The following FHAD1 variants were observed in gnomAD, a reference collection of about 807,000 sequenced individuals.
FHAD1 encodes the protein forkhead-associated domain-containing protein 1.
Under a neutral mutation model 191.3 loss-of-function variants are expected in FHAD1, and 146 were observed. That is an observed-to-expected ratio of 0.76 (90% CI 0.67 to 0.88). The LOEUF is 0.88. FHAD1 is among the 40% of genes least tolerant of loss of function. FHAD1 has a pLI of 0.00. For missense variants in FHAD1, 1,635 were observed against 1,785.8 expected, an observed-to-expected ratio of 0.92 and a Z score of 1.52; for synonymous variants, 616 against 672.3, an observed-to-expected ratio of 0.92 and a Z score of 1.29.
chr1:15,250,550 A>G (rs3753323), intron 1 of FHAD1, among the ~76,000 whole-genome samples: 2 of 152,314 alleles, frequency 1.3e-5, no homozygotes, highest in East Asian at 3.9e-4. Flanking sequence ...TCCTGATTAC[A>G]TGGCTGAGCT....
chr1:15,388,058 T>A lies in FHAD1; in HGVS notation c.4196T>A (p.Val1399Glu). Residue 1399 changes from valine (V) to glutamate (E), a missense_variant, in exon 32 of 34, where the codon GTA becomes GAA. Physicochemically the swap from Val to Glu is moderately radical, Grantham distance 121. Coordinates refer to ENST00000688493, the MANE Select transcript of FHAD1 (RefSeq NM_001391957.1). ...CTGATACTTTTCACTCAGGAAAGTG[T>A]AGAGGAGCACGAACTGAGAAACGCA... ...NRAIRQQKES[V>E]EEHELRNAKE... 7.8e-7 allele frequency: 1 copy of A among 1,289,456 alleles called. No individual in the cohort carries two copies. The highest frequency in any genetic ancestry group is 1.0e-6 in the Non-Finnish European group (1 of 988,490). The allele number at this position is 1,289,456 out of a possible 1,614,324, so 79.9% of individuals were successfully genotyped here. A position where few individuals can be genotyped will look rare whatever the true frequency, so the allele number is the denominator to read the frequency against.
intron 14 of FHAD1, among the ~76,000 whole-genome samples, chr1:15,336,985 G>A (rs1684427325): frequency 6.6e-6 from 1 of 152,196 alleles, no homozygotes; most frequent in Non-Finnish European, 1.5e-5. Flanking sequence ...CCTTTCTCAT[G>A]AAGAAACTCT....
At chr1:15,368,034 C>T (rs1258934031) in intron 25 of FHAD1, among the ~76,000 whole-genome samples, 3 of 152,098 alleles carry the variant, frequency 2.0e-5, no homozygotes, top group Non-Finnish European at 2.9e-5. Context: ...TGCAGTGGAA[C>T]GATCTTGGCT....
chr1:15,328,324 G>T lies in FHAD1; in HGVS notation c.1605G>T (p.Gln535His). ...TQVTEDNINFQQKKWTLQKET... is the reference protein window; with the variant it reads ...TQVTEDNINFHQKKWTLQKET... ...TCACTGAGGACAACATCAATTTTCA[G>T]CAGAAAAAGTGGACCCTCCAGAAAG... The change falls in exon 13 of 34, where the codon CAG becomes CAT. Residue 535 changes from glutamine to histidine, a missense_variant. Coordinates refer to ENST00000688493, the MANE Select transcript of FHAD1 (RefSeq NM_001391957.1). The T allele has an allele frequency of 1.3e-6, 2 of 1,539,996 alleles. No individual in the cohort carries two copies. Among genetic ancestry groups the T allele is most frequent in the Non-Finnish European group, 1.7e-6 (2 of 1,143,178 alleles).
chr1:15,270,454 A>T (rs898673730), intron 2 of FHAD1, among the ~76,000 whole-genome samples: 5 of 152,186 alleles, frequency 3.3e-5, no homozygotes, highest in African/African-American at 4.8e-5. Context: ...TATCTACCAA[A>T]TGGGAAACTA....
intron 12 of FHAD1, chr1:15,328,033 CAA>C (rs35961851): frequency 7.0e-3 from 835 of 118,982 alleles, no homozygotes; most frequent in East Asian, 0.013. Context: ...AACTCCGTCG[CAA>C]AAAAAAAAAA....
At chr1:15,354,837 C>A (rs1474694346) in intron 20 of FHAD1, among the ~76,000 whole-genome samples, 1 of 152,170 alleles carries the variant, frequency 6.6e-6, no homozygotes, top group African/African-American at 2.4e-5. Flanking sequence ...TAGAGAGAAT[C>A]TCTCCTAAGG....
rs759702516 is a variant in FHAD1 at position 15,345,084 on chromosome 1, C to A, written c.2132C>A (p.Ala711Asp). ...KIRQLTEEKA[A>D]LEEYITQERN... ...TAAACAATGGTCATTGGTTTCCAGG[C>A]TTTGGAGGAGTACATTACTCAAGAG... The change falls in exon 17 of 34, where the codon GCT becomes GAT. Residue 711 changes from alanine (A) to aspartate (D), a missense_variant and splice_region_variant. Ala to Asp is a moderately radical substitution (Grantham distance 126). Transcript: ENST00000688493. 7 of 1,550,384 alleles carry A rather than the reference C, an allele frequency of 4.5e-6. No homozygotes were observed. The South Asian group carries it at 4.8e-5, about 11-fold the overall frequency.
Position 15,316,309 on chromosome 1 carries a change from C to A in FHAD1, c.1171-69C>A, listed in dbSNP as rs1674426654. The A allele has an allele frequency of 8.0e-7, 1 of 1,254,906 alleles. No individual in the cohort carries two copies. Among genetic ancestry groups the A allele is most frequent in the Non-Finnish European group, 1.1e-6 (1 of 881,974 alleles). 77.7% of individuals were successfully genotyped at this position (1,254,906 alleles called of 1,614,324 possible). On this transcript the variant is annotated intron_variant, in intron 8 of 33. Coordinates refer to ENST00000688493, the MANE Select transcript of FHAD1 (RefSeq NM_001391957.1). This position sits in a 1 kb window ranked among gnomAD's most constrained non-coding sequence, Gnocchi z 4.3. ...CAGGGGCTCACATGGGGCCTTGGAG[C>A]CCCTCCTTCCCCCGACAACCCTACC...
At chr1:15,281,782 AAAG>A (rs1660707086) in intron 3 of FHAD1, among the ~76,000 whole-genome samples, 2 of 151,122 alleles carry the variant, frequency 1.3e-5, no homozygotes, top group Non-Finnish European at 2.9e-5. Context: ...AAAAAAAAAA[AAAG>A]GAGAGGGGAG....
At position 15,375,135 on chromosome 1, in the gene FHAD1, C is replaced by T. The variant is rs2496345; in HGVS notation, c.3578-468C>T. Among the ~76,000 whole-genome samples, 953 of 152,172 alleles carry T rather than the reference C, an allele frequency of 6.3e-3. 11 individuals are homozygous for T. Among genetic ancestry groups the T allele is most frequent in the African/African-American group, 0.021 (864 of 41,518 alleles). ...CCTCCCAAAGTGCTGAGATTACAGGCGAGAGCCACCACACCCAGCCTACTT... is the reference window on the plus strand; with the variant it reads ...CCTCCCAAAGTGCTGAGATTACAGGTGAGAGCCACCACACCCAGCCTACTT... On this transcript the variant is annotated intron_variant, in intron 27 of 33. Coordinates refer to ENST00000688493, the MANE Select transcript of FHAD1 (RefSeq NM_001391957.1).
intron 6 of FHAD1, among the ~76,000 whole-genome samples, chr1:15,308,214 G>A (rs1671130208): frequency 6.6e-6 from 1 of 152,160 alleles, no homozygotes; most frequent in South Asian, 2.1e-4. Flanking sequence ...GTTATCATTT[G>A]AGGGAATTAA....
chr1:15,271,055 C>T (rs1263150942), intron 2 of FHAD1, among the ~76,000 whole-genome samples: 1 of 146,684 alleles, frequency 6.8e-6, no homozygotes, highest in Non-Finnish European at 1.5e-5. Context: ...AGGAGAATGG[C>T]GTGAACCCGG....
At chr1:15,380,082 G>T (rs1044593866) in intron 28 of FHAD1, among the ~76,000 whole-genome samples, 1 of 152,168 alleles carries the variant, frequency 6.6e-6, no homozygotes, top group Non-Finnish European at 1.5e-5. Flanking sequence ...AAAGGAGGGG[G>T]GATGTTTTCT....
At chr1:15,291,999 T>A (rs1191498620) in intron 4 of FHAD1, among the ~76,000 whole-genome samples, 1 of 152,188 alleles carries the variant, frequency 6.6e-6, no homozygotes, top group African/African-American at 2.4e-5. Flanking sequence ...CTCCATCATT[T>A]CTCCAGTAGC....
chr1:15,272,628 A>ACTGTGAT lies in FHAD1; in HGVS notation c.300+101_300+107dup, dbSNP rs567979892. 1.5e-4 allele frequency: 160 copies of ACTGTGAT among 1,057,918 alleles called. No homozygotes were observed. The African/African-American group carries it at 2.2e-3, about 14-fold the overall frequency. 65.5% of individuals were successfully genotyped at this position (1,057,918 alleles called of 1,614,324 possible). On this transcript the variant is annotated intron_variant, in intron 3 of 33. Transcript: ENST00000688493. Reference sequence around the variant, plus strand: ...GGTGGCGCTTATCCACATTGGTGCCACTGTGATCGCACGCTGCACACAGGC... The same window carrying ACTGTGAT: ...GGTGGCGCTTATCCACATTGGTGCCACTGTGATCTGTGATCGCACGCTGCACACAGGC...
downstream of FHAD1, among the ~76,000 whole-genome samples, chr1:15,399,147 C>A (rs1277511368): frequency 6.6e-6 from 1 of 152,116 alleles, no homozygotes; most frequent in African/African-American, 2.4e-5. Flanking sequence ...TAAAAAGCCA[C>A]AATAAAATTT....
At chr1:15,266,735 T>C (rs888061345) in intron 2 of FHAD1, among the ~76,000 whole-genome samples, 9 of 152,142 alleles carry the variant, frequency 5.9e-5, no homozygotes, top group African/African-American at 1.9e-4. Flanking sequence ...CCCCTGTGCT[T>C]ACCTGTTCAA....
chr1:15,297,843 A>AT (rs987020680), intron 5 of FHAD1, among the ~76,000 whole-genome samples: 146 of 151,406 alleles, frequency 9.6e-4, no homozygotes, highest in African/African-American at 3.4e-3. Context: ...CCACAGATTT[A>AT]TTTTTTTAAG....
Sources: gnomAD v4.1 joint callset for allele counts (sites outside exome capture counted in the v4.1 genomes callset) on GRCh38, gnomAD v4.1.1 for gene constraint, Gnocchi (gnomAD v3.1) non-coding constraint, MANE v1.5 for transcripts, NCBI Gene and HGNC (gene_info 2026-07-23, HGNC 2026-07-21) for gene names.